The following KCTD9 variants were observed in gnomAD, a reference collection of about 807,000 sequenced individuals.
The protein encoded by KCTD9 is BTB/POZ domain-containing protein KCTD9.
A neutral mutation model predicts 53.3 loss-of-function variants in KCTD9; 17 were observed. The observed-to-expected ratio is 0.32, with a 90% CI of 0.22 to 0.48. The LOEUF (loss-of-function observed/expected upper bound fraction) is 0.48, where lower values mean the gene tolerates loss of function less well. Ranked by LOEUF, KCTD9 falls within the 20% of genes least tolerant of loss-of-function variation. The pLI is 0.99. For synonymous variants in KCTD9, 128 were observed against 162.7 expected (o/e 0.79, Z 1.62); for missense variants, 179 against 465.5 (o/e 0.38, Z 5.66).
At chr8:25,444,694 C>G (rs909233442) in intron 2 of KCTD9, among the ~76,000 whole-genome samples, 3 of 152,092 alleles carry the variant, frequency 2.0e-5, no homozygotes, top group Non-Finnish European at 4.4e-5. Flanking sequence ...TTTTTTACCC[C>G]TAAATCATCA....
At chr8:25,433,584 T>C in intron 9 of KCTD9, 149 bp from the exon 10 acceptor site, 1 of 437,668 alleles carries the variant, frequency 2.3e-6, no homozygotes, top group Admixed American at 4.1e-5. Context: ...AATAAAGGCT[T>C]TTCTAATTAA....
chr8:25,453,653 C>CAA (rs571881844), intron 1 of KCTD9, among the ~76,000 whole-genome samples: 4 of 55,286 alleles, frequency 7.2e-5, no homozygotes, highest in African/African-American at 2.1e-4. Context: ...GACTCCGACT[C>CAA]AAAAAAAAAA....
chr8:25,446,621 T>C (rs1302005630), intron 1 of KCTD9, among the ~76,000 whole-genome samples: 2 of 152,166 alleles, frequency 1.3e-5, no homozygotes, highest in African/African-American at 2.4e-5. Context: ...ATGAAGAAAA[T>C]AGTAGCACCT....
chr8:25,439,735 T>C (rs1034586331), intron 4 of KCTD9, 71 bp from the exon 5 acceptor site: 23 of 1,608,026 alleles, frequency 1.4e-5, no homozygotes, highest in Non-Finnish European at 1.7e-5. Flanking sequence ...GTCAAGAGTA[T>C]ACTCGATCCC....
At chr8:25,443,010 T>A (rs901309202) in intron 3 of KCTD9, among the ~76,000 whole-genome samples, 4 of 152,144 alleles carry the variant, frequency 2.6e-5, no homozygotes, top group Admixed American at 2.6e-4. Context: ...AACCTTATAA[T>A]CCTTAATATA....
chr8:25,441,238 A>G (rs1331360684), intron 3 of KCTD9, among the ~76,000 whole-genome samples: 1 of 152,166 alleles, frequency 6.6e-6, no homozygotes. Flanking sequence ...TATATCAGAA[A>G]ATGAGTTCTG....
intron 1 of KCTD9, chr8:25,450,451 G>A (rs1802299227): frequency 2.0e-6 from 2 of 983,574 alleles, no homozygotes; most frequent in Admixed American, 6.1e-5. Context: ...CCTTTTTTGT[G>A]TGACAGTCAT....
chr8:25,443,401 C>T (rs1305301130), intron 3 of KCTD9, among the ~76,000 whole-genome samples: 1 of 152,058 alleles, frequency 6.6e-6, no homozygotes, highest in Non-Finnish European at 1.5e-5. Context: ...AAATTAAGAC[C>T]ATCTGAACAT....
chr8:25,433,212 C>T (rs1387325899), intron 10 of KCTD9, 118 bp downstream of exon 10: 3 of 463,794 alleles, frequency 6.5e-6, no homozygotes, highest in East Asian at 3.4e-5. Context: ...AATATGATGA[C>T]AGAAGAAACC....
intron 1 of KCTD9, among the ~76,000 whole-genome samples, chr8:25,456,374 T>C (rs965882104): frequency 1.3e-5 from 2 of 152,236 alleles, no homozygotes; most frequent in Non-Finnish European, 2.9e-5. Context: ...TTAGTCACTT[T>C]ATATATAAAA....
intron 1 of KCTD9, among the ~76,000 whole-genome samples, chr8:25,453,566 T>C (rs1319501552): frequency 1.3e-5 from 2 of 151,120 alleles, no homozygotes; most frequent in East Asian, 1.9e-4. Flanking sequence ...GGCAGGAGAA[T>C]TGCTTGAACC....
In KCTD9 at chr8:25,440,579, T is replaced by G. The variant is rs375931727; in HGVS notation, c.309A>C (p.Thr103=). The change falls in exon 4 of 12, where the codon ACA becomes ACC. Residue 103 remains threonine (T), a splice_region_variant and synonymous_variant. Coordinates refer to ENST00000221200, the MANE Select transcript of KCTD9 (RefSeq NM_017634.4). ...LNVGGRYFTT[T]RSTLVNKEPD... ...AACACACATACACACACACCTACCGTGTAGTTGTAAAGTACCGCCCTCCAA... is the reference window on the plus strand; with the variant it reads ...AACACACATACACACACACCTACCGGGTAGTTGTAAAGTACCGCCCTCCAA... 1.0e-5 allele frequency: 16 copies of G among 1,579,916 alleles called. No individual in the cohort carries two copies. In the African/African-American group the frequency reaches 2.0e-4, roughly 20 times the overall value.
At chr8:25,432,665 T>C (rs1801951076) in intron 10 of KCTD9, 28 bp from the exon 11 acceptor site, 3 of 1,587,422 alleles carry the variant, frequency 1.9e-6, no homozygotes, top group South Asian at 1.2e-5. Flanking sequence ...TGGGAGTAGT[T>C]TAACTTAAAA....
intron 3 of KCTD9, among the ~76,000 whole-genome samples, chr8:25,443,540 G>A (rs1282901088): frequency 6.6e-6 from 1 of 152,122 alleles, no homozygotes; most frequent in Non-Finnish European, 1.5e-5. Flanking sequence ...ACCATTGCCT[G>A]CCAGTCACTG....
At chr8:25,457,688 C>G (rs1677803266) in intron 1 of KCTD9, 1 of 152,432 alleles carries the variant, frequency 6.6e-6, no homozygotes, top group African/African-American at 2.4e-5. Context: ...AAAATCCTGT[C>G]TGCGACCTCG....
intron 1 of KCTD9, among the ~76,000 whole-genome samples, chr8:25,457,112 T>C (rs1490500837): frequency 6.6e-6 from 1 of 152,172 alleles, no homozygotes; most frequent in African/African-American, 2.4e-5. Context: ...CAAAAGAACA[T>C]AAAATTATAG....
At chr8:25,451,066 C>A (rs952940929) in intron 1 of KCTD9, among the ~76,000 whole-genome samples, 9 of 152,088 alleles carry the variant, frequency 5.9e-5, no homozygotes, top group Non-Finnish European at 1.3e-4. Context: ...TAAGTTGGGC[C>A]AATATACTTG....
At chr8:25,444,259 T>G (rs79469157) in intron 3 of KCTD9, 33 bp downstream of exon 3, 1 of 1,494,600 alleles carries the variant, frequency 6.7e-7, no homozygotes, top group East Asian at 2.3e-5. Context: ...TTTTTTTTTT[T>G]GGCAGATAAA....
chr8:25,430,069 G>GTTC lies in KCTD9; in HGVS notation c.1054-99_1054-97dup, dbSNP rs1268305732. ...GATTTCTGGGGCAGATTAGGAAAATGTTCTTATACAATAAAACTCAGTTAA... is the reference window on the plus strand; with the variant it reads ...GATTTCTGGGGCAGATTAGGAAAATGTTCTTCTTATACAATAAAACTCAGTTAA... On this transcript the variant is annotated intron_variant, in intron 11 of 11. Coordinates refer to ENST00000221200, the MANE Select transcript of KCTD9 (RefSeq NM_017634.4). 8.8e-5 allele frequency: 66 copies of GTTC among 746,664 alleles called. 1 individual carries two copies. The Admixed American group carries it at 1.3e-3, about 15-fold the overall frequency. 46.3% of individuals were successfully genotyped at this position (746,664 alleles called of 1,614,324 possible).
Sources: allele counts gnomAD v4.1 joint callset (sites outside exome capture counted in the v4.1 genomes callset), GRCh38; gene constraint gnomAD v4.1.1; transcripts MANE v1.5; gene names NCBI Gene and HGNC (gene_info 2026-07-23, HGNC 2026-07-21).